The following ANKRD44 variants were observed in gnomAD, a reference collection of about 807,000 sequenced individuals.
ANKRD44 encodes serine/threonine-protein phosphatase 6 regulatory ankyrin repeat subunit B.
In ANKRD44, 35 loss-of-function variants were observed where a neutral mutation model predicts 116.0. That is an observed-to-expected ratio of 0.30 (90% CI 0.23 to 0.40). ANKRD44 has a LOEUF of 0.40. Among genes scored for constraint, ANKRD44 ranks in the 10% least tolerant of loss-of-function variants. The pLI is 1.00. For missense variants in ANKRD44, 1,014 were observed against 1,242.6 expected (o/e 0.82, Z 2.77); for synonymous variants, 435 against 461.8 (o/e 0.94, Z 0.74).
chr2:197,142,066 T>C (rs2079380638), intron 3 of ANKRD44, among the ~76,000 whole-genome samples: 1 of 152,232 alleles, frequency 6.6e-6, no homozygotes, highest in Non-Finnish European at 1.5e-5. Flanking sequence ...AAATAAGCAC[T>C]AGGGTATATT....
At position 196,989,279 on chromosome 2, in the gene ANKRD44, A is replaced by C. The variant is rs1559396668; in HGVS notation, c.*312T>G. 1 of 128,954 alleles carries C rather than the reference A, an allele frequency of 7.8e-6. No homozygotes were observed. The allele number at this position is 128,954 out of a possible 1,614,324, so 8.0% of individuals were successfully genotyped here. ...ATATGGACATTTTCTCTAGTTTGGC[A>C]AAAAAAAAAAAAAAGGTCAGCACAT... On this transcript the variant is annotated 3_prime_UTR_variant, in exon 28 of 28. Transcript: ENST00000282272.
At chr2:197,050,332 G>C (rs1291832654) in intron 16 of ANKRD44, among the ~76,000 whole-genome samples, 4 of 152,128 alleles carry the variant, frequency 2.6e-5, no homozygotes, top group African/African-American at 9.7e-5. Context: ...CGAGATTTGA[G>C]TGGGGACACA....
chr2:197,030,958 G>A (rs1233119383), intron 16 of ANKRD44, among the ~76,000 whole-genome samples: 1 of 152,006 alleles, frequency 6.6e-6, no homozygotes, highest in Non-Finnish European at 1.5e-5. Context: ...CTACAAGTGT[G>A]AGCCACCATA....
chr2:197,195,517 C>G (rs1485361361), intron 1 of ANKRD44, among the ~76,000 whole-genome samples: 2 of 152,094 alleles, frequency 1.3e-5, no homozygotes, highest in African/African-American at 4.8e-5. Flanking sequence ...ACGGTGAAAA[C>G]AACAGATATA....
chr2:197,073,440 C>T (rs9288271), intron 16 of ANKRD44, among the ~76,000 whole-genome samples: 8,410 of 152,222 alleles, frequency 0.055, 786 homozygotes, highest in African/African-American at 0.19. Context: ...GCCCTTGGCT[C>T]ACATTTGGAC....
chr2:197,183,694 G>T (rs7420789), intron 2 of ANKRD44, among the ~76,000 whole-genome samples: 33,808 of 151,920 alleles, frequency 0.22, 3,914 homozygotes, highest in Middle Eastern at 0.27. Flanking sequence ...CTAAAGAGGG[G>T]TGAGTAGAAC....
chr2:197,036,716 G>T (rs997193438), intron 16 of ANKRD44, among the ~76,000 whole-genome samples: 1 of 152,192 alleles, frequency 6.6e-6, no homozygotes, highest in Non-Finnish European at 1.5e-5. Flanking sequence ...AGAGCCTGTA[G>T]TATGTGTAAG....
chr2:197,100,497 T>G (rs2078267555), intron 9 of ANKRD44, among the ~76,000 whole-genome samples: 1 of 152,224 alleles, frequency 6.6e-6, no homozygotes, highest in Non-Finnish European at 1.5e-5. Context: ...CATATTGTCT[T>G]AGTTAAGAAT....
chr2:197,075,269 C>T (rs2077642032), intron 16 of ANKRD44, among the ~76,000 whole-genome samples: 1 of 152,054 alleles, frequency 6.6e-6, no homozygotes, highest in South Asian at 2.1e-4. Context: ...ATAAAATAAA[C>T]CAATATAAAC....
intron 2 of ANKRD44, among the ~76,000 whole-genome samples, chr2:197,159,603 A>G (rs2079907753): frequency 6.6e-6 from 1 of 152,258 alleles, no homozygotes; most frequent in Non-Finnish European, 1.5e-5. Context: ...TAGGTTCTGA[A>G]TAATTGATAT....
chr2:197,118,637 G>GAGAGAGAGAA (rs773839262), intron 8 of ANKRD44, among the ~76,000 whole-genome samples: 10 of 112,356 alleles, frequency 8.9e-5, no homozygotes, highest in South Asian at 3.0e-4. Context: ...GAGAGAGAGA[G>GAGAGAGAGAA]AGAAAGAAAG....
intron 2 of ANKRD44, among the ~76,000 whole-genome samples, chr2:197,155,515 T>C (rs979751625): frequency 2.0e-5 from 3 of 152,224 alleles, no homozygotes; most frequent in African/African-American, 7.2e-5. Flanking sequence ...CATTACCTGA[T>C]TTCAGAGCTT....
chr2:197,019,946 G>A (rs1472917669), intron 17 of ANKRD44, among the ~76,000 whole-genome samples: 11 of 151,868 alleles, frequency 7.2e-5, no homozygotes, highest in South Asian at 2.1e-4. Context: ...ACAGGTGCAC[G>A]CCACCATGCC....
intron 1 of ANKRD44, among the ~76,000 whole-genome samples, chr2:197,244,913 T>A (rs1047836137): frequency 6.6e-6 from 1 of 152,236 alleles, no homozygotes; most frequent in Non-Finnish European, 1.5e-5. Context: ...GGGTTCTGCA[T>A]CTGCCATTGG....
chr2:197,200,280 A>C (rs1157552520), intron 1 of ANKRD44, among the ~76,000 whole-genome samples: 2 of 152,198 alleles, frequency 1.3e-5, no homozygotes, highest in Non-Finnish European at 1.5e-5. Context: ...GAAGCATGAA[A>C]GGCTAAGAAG....
chr2:197,015,644 G>T (rs1040667664), intron 17 of ANKRD44: 3 of 559,498 alleles, frequency 5.4e-6, no homozygotes, highest in African/African-American at 3.8e-5. Context: ...GGTGAAGGTG[G>T]TGGCAGCAGA....
chr2:197,000,219 T>C (rs1311832856), intron 23 of ANKRD44, among the ~76,000 whole-genome samples, 200 bp downstream of exon 23: 1 of 152,192 alleles, frequency 6.6e-6, no homozygotes, highest in African/African-American at 2.4e-5. Flanking sequence ...TAACAGTGTA[T>C]AGTAGCTTTC....
intron 1 of ANKRD44, among the ~76,000 whole-genome samples, chr2:197,248,389 G>A (rs2082239062): frequency 6.6e-6 from 1 of 151,920 alleles, no homozygotes; most frequent in Admixed American, 6.6e-5. Flanking sequence ...GAGCCTGCTG[G>A]CCCACACTAC....
At position 197,273,981 on chromosome 2, in the gene ANKRD44, ATAT is replaced by A. The variant is rs1183959380; in HGVS notation, c.27+36594_27+36596del. Among the ~76,000 whole-genome samples, 21 of 23,960 alleles carry A rather than the reference ATAT, an allele frequency of 8.8e-4. 3 individuals are homozygous for A. Among genetic ancestry groups the A allele is most frequent in the South Asian group, 2.0e-3 (1 of 496 alleles). The allele number at this position is 23,960 out of a possible 152,430, so 15.7% of individuals were successfully genotyped here. A position where few individuals can be genotyped will look rare whatever the true frequency, so the allele number is the denominator to read the frequency against. ...ACCACAAAAAAAAAAAAAAAAAAAA[ATAT>A]ATATATATATATATATATATATATA... is the stretch of plus-strand genomic sequence containing the variant. On this transcript the variant is annotated intron_variant, in intron 1 of 27. Transcript: ENST00000282272.
Sources: allele counts gnomAD v4.1 joint callset (sites outside exome capture counted in the v4.1 genomes callset), GRCh38; gene constraint gnomAD v4.1.1; transcripts MANE v1.5; gene names NCBI Gene and HGNC (gene_info 2026-07-23, HGNC 2026-07-21).